The following SORCS1 variants were observed in gnomAD, a reference collection of about 807,000 sequenced individuals.
SORCS1 encodes the protein VPS10 domain-containing receptor SorCS1.
Under a neutral mutation model 146.1 loss-of-function variants are expected in SORCS1, and 60 were observed. The ratio of observed to expected loss-of-function variants is 0.41; its 90% CI spans 0.33 to 0.51. SORCS1 has a LOEUF of 0.51. SORCS1 is among the 20% of genes least tolerant of loss of function. SORCS1 has a pLI of 0.21. For missense variants in SORCS1, 1,352 were observed against 1,487.6 expected (o/e 0.91, Z 1.50); for synonymous variants, 637 against 584.0 (o/e 1.09, Z -1.31).
intron 3 of SORCS1, 70 bp downstream of exon 3, chr10:106,829,503 CT>C: frequency 1.9e-6 from 2 of 1,075,438 alleles, no homozygotes; most frequent in Non-Finnish European, 2.8e-6. Context: ...TTTTAGGTAG[CT>C]AGAGTGGTTA....
chr10:106,967,344 CT>C (rs5787699), intron 1 of SORCS1, among the ~76,000 whole-genome samples: 2 of 150,892 alleles, frequency 1.3e-5, no homozygotes, highest in African/African-American at 2.4e-5. Context: ...ATGATTTTGA[CT>C]TTTTTTTTAC....
chr10:106,966,788 T>G (rs1336746810), intron 1 of SORCS1, among the ~76,000 whole-genome samples: 1 of 152,232 alleles, frequency 6.6e-6, no homozygotes, highest in East Asian at 1.9e-4. Flanking sequence ...GGACTCTTCC[T>G]GTGCCAGGAG....
At chr10:106,798,545 T>G (rs2136611995) in intron 3 of SORCS1, among the ~76,000 whole-genome samples, 1 of 152,100 alleles carries the variant, frequency 6.6e-6, no homozygotes, top group East Asian at 1.9e-4. Flanking sequence ...GTGTTTGGTT[T>G]TTTGTCCTTG....
chr10:106,963,202 G>A (rs1463361547), intron 1 of SORCS1, among the ~76,000 whole-genome samples: 19 of 136,764 alleles, frequency 1.4e-4, no homozygotes, highest in African/African-American at 2.7e-4. Context: ...TGCAAGCTCC[G>A]CCTCCCGGGT....
intron 17 of SORCS1, among the ~76,000 whole-genome samples, chr10:106,658,628 T>C (rs777554377): frequency 3.1e-4 from 47 of 152,186 alleles, no homozygotes; most frequent in Non-Finnish European, 1.0e-4. Flanking sequence ...GGGGGCTAAT[T>C]CTTGATAGAG....
intron 1 of SORCS1, among the ~76,000 whole-genome samples, chr10:107,004,107 C>T (rs1209406770): frequency 3.7e-5 from 5 of 133,822 alleles, no homozygotes; most frequent in African/African-American, 1.5e-4. Context: ...ACCCGGGAGG[C>T]GGAGCTGGCA....
intron 2 of SORCS1, among the ~76,000 whole-genome samples, chr10:106,949,944 A>T (rs1345351789): frequency 2.6e-5 from 4 of 152,328 alleles, no homozygotes; most frequent in Admixed American, 1.3e-4. Flanking sequence ...CCCTAGTATA[A>T]CAGGGAAAAA....
At chr10:106,967,421 G>A (rs1001640318) in intron 1 of SORCS1, among the ~76,000 whole-genome samples, 1 of 151,930 alleles carries the variant, frequency 6.6e-6, no homozygotes, top group Non-Finnish European at 1.5e-5. Flanking sequence ...CCAAATAGCT[G>A]CACCAATGTA....
intron 2 of SORCS1, among the ~76,000 whole-genome samples, chr10:106,946,636 C>T (rs1442001648): frequency 1.3e-5 from 2 of 152,198 alleles, no homozygotes; most frequent in Non-Finnish European, 2.9e-5. Context: ...TATAAATTAC[C>T]CAGTATCAGG....
intron 1 of SORCS1, among the ~76,000 whole-genome samples, chr10:107,115,643 T>C (rs1332552449): frequency 6.6e-6 from 1 of 152,046 alleles, no homozygotes; most frequent in Non-Finnish European, 1.5e-5. Flanking sequence ...ACCGTAAAAC[T>C]CATAGAAGAA....
In SORCS1 at chr10:107,112,163, TA is replaced by T. The variant is rs530845846; in HGVS notation, c.558+51805del. On this transcript the variant is annotated intron_variant, in intron 1 of 25. Coordinates refer to ENST00000263054, the MANE Select transcript of SORCS1 (RefSeq NM_052918.5). ...ACCCTAGTATAAAAGTTAAAAAGCA[TA>T]AAAAAAAACTATAGCTATAATAATT... 5.6e-3 allele frequency among the ~76,000 whole-genome samples: 848 copies of T among 150,168 alleles called. 8 individuals are homozygous for T. Among genetic ancestry groups the T allele is most frequent in the African/African-American group, 0.019 (797 of 41,042 alleles).
chr10:107,050,361 G>C lies in SORCS1; in HGVS notation c.559-93781C>G, dbSNP rs115583497. 3.5e-3 allele frequency among the ~76,000 whole-genome samples: 539 copies of C among 152,234 alleles called. 5 individuals are homozygous for C. The highest frequency in any genetic ancestry group is 0.013 in the African/African-American group (525 of 41,546). On this transcript the variant is annotated intron_variant, in intron 1 of 25. Coordinates refer to ENST00000263054, the MANE Select transcript of SORCS1 (RefSeq NM_052918.5). ...GAAATGAATCAATCAAAGAACAGGA[G>C]TGTATGCTTCAGACATAAGGAAAAT...
chr10:106,731,584 G>A (rs1450694162), intron 5 of SORCS1, among the ~76,000 whole-genome samples: 3 of 152,182 alleles, frequency 2.0e-5, no homozygotes, highest in Admixed American at 6.5e-5. Context: ...TCTCATTTAC[G>A]ACAGGGAAAG....
At chr10:106,838,672 T>G (rs568452336) in intron 2 of SORCS1, among the ~76,000 whole-genome samples, 4 of 152,336 alleles carry the variant, frequency 2.6e-5, no homozygotes, top group Admixed American at 2.6e-4. Flanking sequence ...ATGTCATATA[T>G]AGGCATACCT....
intron 1 of SORCS1, among the ~76,000 whole-genome samples, chr10:107,109,757 G>A (rs557431530): frequency 1.3e-5 from 2 of 152,292 alleles, no homozygotes; most frequent in South Asian, 2.1e-4. Context: ...TCTGTGTCAC[G>A]TGGCTAGGCT....
intron 24 of SORCS1, among the ~76,000 whole-genome samples, chr10:106,591,523 A>C (rs540423077): frequency 9.9e-5 from 15 of 152,256 alleles, no homozygotes; most frequent in Non-Finnish European, 2.1e-4. Flanking sequence ...GGGATTTTGA[A>C]TATATCTCTG....
In SORCS1 at chr10:107,149,289, C is replaced by G. The variant is rs571245281; in HGVS notation, c.558+14680G>C. 1.5e-3 allele frequency among the ~76,000 whole-genome samples: 226 copies of G among 152,256 alleles called. 2 individuals are homozygous for G. Among genetic ancestry groups the G allele is most frequent in the African/African-American group, 5.2e-3 (214 of 41,532 alleles). On this transcript the variant is annotated intron_variant, in intron 1 of 25. Coordinates refer to ENST00000263054, the MANE Select transcript of SORCS1 (RefSeq NM_052918.5). ...TTCTGGGACATTTCCATGTATTTAG[C>G]GTACATACACTGTCTCCAGTTGGCA...
chr10:107,033,533 G>A lies in SORCS1; in HGVS notation c.559-76953C>T, dbSNP rs146490820. On this transcript the variant is annotated intron_variant, in intron 1 of 25. Transcript: ENST00000263054. ...CTGATCTCTATAGCAAACAGGTGAT[G>A]ATAGAGAACTCAAACAGAAACATAT... Among the ~76,000 whole-genome samples, 525 of 152,294 alleles carry A rather than the reference G, an allele frequency of 3.4e-3. 2 individuals carry two copies. The highest frequency in any genetic ancestry group is 6.0e-3 in the Non-Finnish European group (408 of 68,024).
chr10:106,754,883 G>C (rs1179049869), intron 5 of SORCS1, among the ~76,000 whole-genome samples: 2 of 152,178 alleles, frequency 1.3e-5, no homozygotes, highest in East Asian at 3.8e-4. Flanking sequence ...CCATTCAGCT[G>C]TCCCTATTTC....
Sources: gnomAD v4.1 joint callset for allele counts (sites outside exome capture counted in the v4.1 genomes callset) on GRCh38, gnomAD v4.1.1 for gene constraint, MANE v1.5 for transcripts, NCBI Gene and HGNC (gene_info 2026-07-23, HGNC 2026-07-21) for gene names.